The following EPN1 variants were observed in gnomAD, a reference collection of about 807,000 sequenced individuals.
The protein encoded by EPN1 is epsin 1.
EPN1 carries 25 observed loss-of-function variants against 56.9 expected under a neutral mutation model. The observed-to-expected ratio is 0.44, with a 90% CI of 0.32 to 0.61. EPN1 has a LOEUF of 0.61. EPN1 is among the 20% of genes least tolerant of loss of function. The pLI is 0.05. For synonymous variants in EPN1, 411 were observed against 361.8 expected, an observed-to-expected ratio of 1.14 and a Z score of -1.54; for missense variants, 785 against 823.7, an observed-to-expected ratio of 0.95 and a Z score of 0.58.
chr19:55,706,738 T>TA lies in EPN1; in HGVS notation c.*11393dup, dbSNP rs943141810. 589 of 143,912 alleles carry TA rather than the reference T, an allele frequency of 4.1e-3. 6 individuals are homozygous for TA. The highest frequency in any genetic ancestry group is 0.027 in the Admixed American group (387 of 14,436). The allele number at this position is 143,912 out of a possible 1,614,324, so 8.9% of individuals were successfully genotyped here. A position where few individuals can be genotyped will look rare whatever the true frequency, so the allele number is the denominator to read the frequency against. On this transcript the variant is annotated 3_prime_UTR_variant, in exon 11 of 11. Coordinates refer to ENST00000270460, the MANE Select transcript of EPN1 (RefSeq NM_001130072.2). ...TTAAAAAACAATAGTAAAGAGAGAT[T>TA]AAAAAAAAAAAGTAAATGGGCCAGG...
chr19:55,682,592 G>A (rs1457679712), intron 2 of EPN1, among the ~76,000 whole-genome samples: 9 of 150,722 alleles, frequency 6.0e-5, no homozygotes, highest in Admixed American at 6.0e-4. Context: ...CTAATTTTTT[G>A]TTATTTTATT....
At position 55,701,604 on chromosome 19, in the gene EPN1, T is replaced by C. The variant is rs1048323749; in HGVS notation, c.*6248T>C. 1 of 152,168 alleles carries C rather than the reference T, an allele frequency of 6.6e-6. No homozygotes were observed. Among genetic ancestry groups the C allele is most frequent in the African/African-American group, 2.4e-5 (1 of 41,420 alleles). The allele number at this position is 152,168 out of a possible 1,614,324, so 9.4% of individuals were successfully genotyped here. A position where few individuals can be genotyped will look rare whatever the true frequency, so the allele number is the denominator to read the frequency against. On this transcript the variant is annotated 3_prime_UTR_variant, in exon 11 of 11. Coordinates refer to ENST00000270460, the MANE Select transcript of EPN1 (RefSeq NM_001130072.2). ...AGAAGGAGCTGACATTAATGAGAAC[T>C]TCTCCCTGTTAGACCCTTAAAATAC...
In EPN1 at chr19:55,694,904, C is replaced by G. The variant is rs773412356; in HGVS notation, c.1443C>G (p.Leu481=). ...PESFLGPNAA[L]VDLDSLVSRP... ...CATTCCTGGGGCCCAATGCAGCCCT[C>G]GTCGACCTGGACTCGCTGGTGAGCC... Residue 481 remains leucine, a synonymous_variant, in exon 10 of 11, where the codon CTC becomes CTG. Transcript: ENST00000270460. This position sits in a 1 kb window ranked among gnomAD's most constrained non-coding sequence, Gnocchi z 4.2. 6.3e-7 allele frequency: 1 copy of G among 1,588,966 alleles called. No homozygotes were observed. Among genetic ancestry groups the G allele is most frequent in the Non-Finnish European group, 8.6e-7 (1 of 1,167,992 alleles).
chr19:55,695,648 C>T lies in EPN1; in HGVS notation c.*292C>T, dbSNP rs1346558327. 2.2e-6 allele frequency: 1 copy of T among 451,520 alleles called. No homozygotes were observed. Among genetic ancestry groups the T allele is most frequent in the African/African-American group, 2.0e-5 (1 of 50,506 alleles). 28.0% of individuals were successfully genotyped at this position (451,520 alleles called of 1,614,324 possible). On this transcript the variant is annotated 3_prime_UTR_variant, in exon 11 of 11. Coordinates refer to ENST00000270460, the MANE Select transcript of EPN1 (RefSeq NM_001130072.2). The surrounding 1 kb of genome is among the most constrained non-coding windows in gnomAD (Gnocchi z 4.4). ...TTCCCCCTCCCTCCAAACTCCCAACCCCCAGTCAGTGTTTGAGCCTCCTCG... is the reference window on the plus strand; with the variant it reads ...TTCCCCCTCCCTCCAAACTCCCAACTCCCAGTCAGTGTTTGAGCCTCCTCG...
chr19:55,701,694 G>GT lies in EPN1; in HGVS notation c.*6343dup, dbSNP rs1423343132. Reference sequence around the variant, plus strand: ...GGTCTTGTCTGTGGTAAATACTAAGGTTTTTGGTCTCACAGCCGAGGAAAT... The same window carrying GT: ...GGTCTTGTCTGTGGTAAATACTAAGGTTTTTTGGTCTCACAGCCGAGGAAAT... On this transcript the variant is annotated 3_prime_UTR_variant, in exon 11 of 11. Coordinates refer to ENST00000270460, the MANE Select transcript of EPN1 (RefSeq NM_001130072.2). The GT allele has an allele frequency of 6.6e-6, 1 of 152,110 alleles. No homozygotes were observed. The highest frequency in any genetic ancestry group is 2.4e-5 in the African/African-American group (1 of 41,384). 9.4% of individuals were successfully genotyped at this position (152,110 alleles called of 1,614,324 possible). A position where few individuals can be genotyped will look rare whatever the true frequency, so the allele number is the denominator to read the frequency against.
rs191341378 is a variant in EPN1 at position 55,705,769 on chromosome 19, G to C, written c.*10413G>C. ...AATCATAAGGTCAGGTTCTTCAACA[G>C]TCATACTGACATTGTGGCTGGAATA... is the stretch of plus-strand genomic sequence containing the variant. On this transcript the variant is annotated 3_prime_UTR_variant, in exon 11 of 11. Coordinates refer to ENST00000270460, the MANE Select transcript of EPN1 (RefSeq NM_001130072.2). The C allele has an allele frequency of 1.4e-3, 195 of 143,858 alleles. No individual in the cohort carries two copies. Among genetic ancestry groups the C allele is most frequent in the African/African-American group, 5.0e-3 (190 of 38,020 alleles). The allele number at this position is 143,858 out of a possible 1,614,324, so 8.9% of individuals were successfully genotyped here.
At position 55,705,368 on chromosome 19, in the gene EPN1, T is replaced by TC. The variant is rs1987340848; in HGVS notation, c.*10012_*10013insC. On this transcript the variant is annotated 3_prime_UTR_variant, in exon 11 of 11. Transcript: ENST00000270460. ...CAGAATCCAGAGCCACTACAACACA[T>TC]TTCATGAAGTGGCGTGAGCCTGTAA... The TC allele has an allele frequency of 6.6e-6, 1 of 152,110 alleles. No individual in the cohort carries two copies. The highest frequency in any genetic ancestry group is 2.4e-5 in the African/African-American group (1 of 41,432). The allele number at this position is 152,110 out of a possible 1,614,324, so 9.4% of individuals were successfully genotyped here.
In EPN1 at chr19:55,707,692, T is replaced by C. The variant is rs761025225; in HGVS notation, c.*12336T>C. The C allele has an allele frequency of 6.5e-5, 10 of 154,654 alleles. No individual in the cohort carries two copies. Among genetic ancestry groups the C allele is most frequent in the Non-Finnish European group, 1.3e-4 (9 of 68,232 alleles). The allele number at this position is 154,654 out of a possible 1,614,324, so 9.6% of individuals were successfully genotyped here. On this transcript the variant is annotated 3_prime_UTR_variant, in exon 11 of 11. Transcript: ENST00000270460. ...AATGCCATTCTGTTCTTCCATAATA[T>C]CTTTCCCATCTTGACTGAGCATCAA...
chr19:55,688,808 A>T (rs376912724), intron 3 of EPN1, 62 bp from the exon 4 acceptor site: 73 of 1,548,916 alleles, frequency 4.7e-5, no homozygotes, highest in Non-Finnish European at 5.8e-5. Context: ...TGTCTAGGCT[A>T]TGGGGTTTCC....
At position 55,697,381 on chromosome 19, in the gene EPN1, C is replaced by T. The variant is rs1361604942; in HGVS notation, c.*2025C>T. 1 of 152,182 alleles carries T rather than the reference C, an allele frequency of 6.6e-6. No homozygotes were observed. The highest frequency in any genetic ancestry group is 1.5e-5 in the Non-Finnish European group (1 of 68,042). 9.4% of individuals were successfully genotyped at this position (152,182 alleles called of 1,614,324 possible). On this transcript the variant is annotated 3_prime_UTR_variant, in exon 11 of 11. Coordinates refer to ENST00000270460, the MANE Select transcript of EPN1 (RefSeq NM_001130072.2). ...TGGGCCCCTCACTTGTCAGACCCTC[C>T]ATTCACCAAATTAAGGATAAGTTTC...
chr19:55,682,055 C>T (rs896166893), intron 2 of EPN1, among the ~76,000 whole-genome samples: 1 of 151,796 alleles, frequency 6.6e-6, no homozygotes, highest in Non-Finnish European at 1.5e-5. Context: ...ATCCTCTTGC[C>T]TTGGCTTCCC....
Position 55,694,003 on chromosome 19 carries a change from G to C in EPN1, c.1265-723G>C, listed in dbSNP as rs1260302702. 1 of 152,002 alleles carries C rather than the reference G, an allele frequency of 6.6e-6. No homozygotes were observed. Among genetic ancestry groups the C allele is most frequent in the Non-Finnish European group, 1.5e-5 (1 of 68,010 alleles). 9.4% of individuals were successfully genotyped at this position (152,002 alleles called of 1,614,324 possible). On this transcript the variant is annotated intron_variant, in intron 9 of 10. Transcript: ENST00000270460. The surrounding 1 kb of genome is among the most constrained non-coding windows in gnomAD (Gnocchi z 4.2). Reference sequence around the variant, plus strand: ...GCTCGAGGTGGGTGGATCACCTGAGGTCGGGAGTTCAAGACCAGCCTGACC... The same window carrying C: ...GCTCGAGGTGGGTGGATCACCTGAGCTCGGGAGTTCAAGACCAGCCTGACC...
Position 55,691,294 on chromosome 19 carries a change from T to C in EPN1, c.763-460T>C, listed in dbSNP as rs1254228978. On this transcript the variant is annotated intron_variant, in intron 6 of 10. Coordinates refer to ENST00000270460, the MANE Select transcript of EPN1 (RefSeq NM_001130072.2). The surrounding 1 kb of genome is among the most constrained non-coding windows in gnomAD (Gnocchi z 5.6). ...GCTCAGGTTGACCTGAGTGGGTTCA[T>C]GGGGGGCTTCCCAGGGGAAGGCATG... 6.6e-6 allele frequency among the ~76,000 whole-genome samples: 1 copy of C among 150,678 alleles called. No homozygotes were observed. The highest frequency in any genetic ancestry group is 1.5e-5 in the Non-Finnish European group (1 of 67,654).
rs2122160985 is a variant in EPN1, at chr19:55,678,822, T to C, written c.195T>C (p.Asn65=). 1 of 1,613,528 alleles carries C rather than the reference T, an allele frequency of 6.2e-7. No homozygotes were observed. The highest frequency in any genetic ancestry group is 2.2e-5 in the East Asian group (1 of 44,864). ...TGAGCATGATCTGGAAGCGGCTCAA[T>C]GACCATGGCAAGAACTGGCGTCACG... The part of the protein sequence containing the change: ...EIMSMIWKRL[N]DHGKNWRHVY... Residue 65 remains asparagine, a synonymous_variant, in exon 2 of 11, where the codon AAT becomes AAC. Transcript: ENST00000270460.
At chr19:55,684,785 C>T (rs1986052654) in intron 2 of EPN1, among the ~76,000 whole-genome samples, 1 of 152,194 alleles carries the variant, frequency 6.6e-6, no homozygotes, top group South Asian at 2.1e-4. Flanking sequence ...TTTTCTTGGC[C>T]ATGTTACTTT....
intron 7 of EPN1, 59 bp downstream of exon 7, chr19:55,692,116 G>T (rs1486532131): frequency 2.2e-6 from 3 of 1,368,698 alleles, no homozygotes; most frequent in South Asian, 1.7e-5. Context: ...GTCTTTGGTT[G>T]ACTGTGCCCT....
rs1986568433 is a variant in EPN1, at chr19:55,691,810, A to G, written c.819A>G (p.Thr273=). The G allele has an allele frequency of 6.8e-6, 11 of 1,612,258 alleles. No homozygotes were observed. The highest frequency in any genetic ancestry group is 1.7e-5 in the Admixed American group (1 of 59,864). The change falls in exon 7 of 11, where the codon ACA becomes ACG. Residue 273 remains threonine (T), a synonymous_variant. Coordinates refer to ENST00000270460, the MANE Select transcript of EPN1 (RefSeq NM_001130072.2). This position sits in a 1 kb window ranked among gnomAD's most constrained non-coding sequence, Gnocchi z 5.6. ...CGGCCCCAGCTCCTGCCCCGACCAC[A>G]GACCCCTGGGGGGGCCCAGCACCCA... ...VFTAPAPAPT[T]DPWGGPAPMA...
In EPN1 at chr19:55,705,808, G is replaced by GAGATATATATATATATATATATATATAT. The variant is rs1987362872; in HGVS notation, c.*10453_*10454insGATATATATATATATATATATATATATA. 9.7e-6 allele frequency: 1 copy of GAGATATATATATATATATATATATATAT among 103,138 alleles called. No individual in the cohort carries two copies. The highest frequency in any genetic ancestry group is 4.6e-5 in the African/African-American group (1 of 21,920). The allele number at this position is 103,138 out of a possible 1,614,324, so 6.4% of individuals were successfully genotyped here. ...GTGGCTGGAATATTTGTTGTTGTGG[G>GAGATATATATATATATATATATATATAT]ATATATATATATATATATATTTAGA... On this transcript the variant is annotated 3_prime_UTR_variant, in exon 11 of 11. Coordinates refer to ENST00000270460, the MANE Select transcript of EPN1 (RefSeq NM_001130072.2).
intron 1 of EPN1, among the ~76,000 whole-genome samples, chr19:55,678,104 GTGGATATCCC>G (rs1431111323): frequency 5.3e-5 from 8 of 152,230 alleles, no homozygotes; most frequent in African/African-American, 1.4e-4. Context: ...CTTGGGGTGA[GTGGATATCCC>G]TGGATGAGGA....
Sources: gnomAD v4.1 joint callset for allele counts (sites outside exome capture counted in the v4.1 genomes callset) on GRCh38, gnomAD v4.1.1 for gene constraint, Gnocchi (gnomAD v3.1) non-coding constraint, MANE v1.5 for transcripts, NCBI Gene and HGNC (gene_info 2026-07-23, HGNC 2026-07-21) for gene names.